APTX: variants seen among roughly 807,000 people sequenced by gnomAD.
APTX encodes the protein aprataxin.
Under a neutral mutation model 42.3 loss-of-function variants are expected in APTX, and 33 were observed. That is an observed-to-expected ratio of 0.78 (90% CI 0.59 to 1.04). The LOEUF (loss-of-function observed/expected upper bound fraction) is 1.04. Ranked by LOEUF, APTX falls within the 50% of genes least tolerant of loss-of-function variation. The pLI, the probability that APTX is intolerant of heterozygous loss-of-function variation, is 0.00. For missense variants in APTX, 421 were observed against 415.1 expected (o/e 1.01, Z -0.12); for synonymous variants, 130 against 146.7 (o/e 0.89, Z 0.82).
At chr9:33,020,342 T>A (rs1254725318) in intron 1 of APTX, among the ~76,000 whole-genome samples, 1 of 152,236 alleles carries the variant, frequency 6.6e-6, no homozygotes, top group Non-Finnish European at 1.5e-5. Flanking sequence ...TCCTCCTCCC[T>A]ACCTCTGCAT....
chr9:32,977,064 T>C (rs1829588266), intron 6 of APTX, among the ~76,000 whole-genome samples: 1 of 152,244 alleles, frequency 6.6e-6, no homozygotes, highest in African/African-American at 2.4e-5. Flanking sequence ...AATTTCCATT[T>C]ATGTATTAAC....
At chr9:33,000,236 C>T (rs1435466829) in intron 1 of APTX, among the ~76,000 whole-genome samples, 3 of 152,206 alleles carry the variant, frequency 2.0e-5, no homozygotes, top group African/African-American at 7.2e-5. Flanking sequence ...ATGTAAAGCT[C>T]AGTGTCTGAT....
At chr9:33,017,416 T>C (rs914602221) in intron 1 of APTX, among the ~76,000 whole-genome samples, 7 of 152,144 alleles carry the variant, frequency 4.6e-5, no homozygotes, top group African/African-American at 1.4e-4. Context: ...GAGGGCCTGT[T>C]TCCTGGTTTG....
chr9:33,000,444 T>C (rs1425295675), intron 1 of APTX, among the ~76,000 whole-genome samples: 1 of 151,804 alleles, frequency 6.6e-6, no homozygotes, highest in East Asian at 1.9e-4. Flanking sequence ...CTGGCCAACA[T>C]GGTGAAACCC....
At position 33,013,799 on chromosome 9, in the gene APTX, G is replaced by A. The variant is rs184574131; in HGVS notation, c.-5+11224C>T. Reference sequence around the variant, plus strand: ...AGCCTGGGCGACGGTGCAAGACTCCGTCTAAAAAACAAAACAAAAACAAGA... The same window carrying A: ...AGCCTGGGCGACGGTGCAAGACTCCATCTAAAAAACAAAACAAAAACAAGA... On this transcript the variant is annotated intron_variant, in intron 1 of 6. Coordinates refer to the APTX transcript ENST00000436040. Among the ~76,000 whole-genome samples the A allele has an allele frequency of 5.3e-5, 8 of 152,236 alleles. No individual in the cohort carries two copies. The East Asian group carries it at 1.2e-3, about 22-fold the overall frequency.
Position 33,001,571 on chromosome 9 carries a change from A to C in APTX, c.-9T>G, listed in dbSNP as rs376931950. 6.2e-7 allele frequency: 1 copy of C among 1,613,962 alleles called. No homozygotes were observed. Among genetic ancestry groups the C allele is most frequent in the South Asian group, 1.1e-5 (1 of 91,080 alleles). On this transcript the variant is annotated 5_prime_UTR_variant, in exon 1 of 8. Coordinates refer to ENST00000379817, the MANE Select transcript of APTX (RefSeq NM_001195248.2). ...ATAGGCTGACGACCGCCTTACCTCC[A>C]GAAGTCGGAGACGGACAAATTCACG...
At chr9:32,988,858 TAGA>T (rs1832855547) in intron 2 of APTX, among the ~76,000 whole-genome samples, 1 of 152,070 alleles carries the variant, frequency 6.6e-6, no homozygotes. Flanking sequence ...TGGCTTTGGG[TAGA>T]AGGAGTGGAA....
chr9:33,020,394 T>C (rs2119316036), intron 1 of APTX, among the ~76,000 whole-genome samples: 1 of 152,358 alleles, frequency 6.6e-6, no homozygotes, highest in Middle Eastern at 3.4e-3. Context: ...CATGTTTTTA[T>C]ATTTGTGTTT....
rs1204490534 is a variant in APTX, at chr9:33,020,010, G to A, written c.-5+5013C>T. On this transcript the variant is annotated intron_variant, in intron 1 of 6. Coordinates refer to the APTX transcript ENST00000436040. ...CTGCGTTTCTGCTAGGACCTGACACGTGCGGTGGGGGAGCTCCGCTGGCCG... is the reference window on the plus strand; with the variant it reads ...CTGCGTTTCTGCTAGGACCTGACACATGCGGTGGGGGAGCTCCGCTGGCCG... The A allele has an allele frequency of 9.9e-6, 4 of 405,874 alleles. No homozygotes were observed. The South Asian group carries it at 3.0e-4, about 31-fold the overall frequency. The allele number at this position is 405,874 out of a possible 1,614,324, so 25.1% of individuals were successfully genotyped here.
chr9:33,013,545 GC>G (rs1330209034), intron 1 of APTX, among the ~76,000 whole-genome samples: 11 of 152,226 alleles, frequency 7.2e-5, no homozygotes, highest in African/African-American at 2.4e-4. Context: ...GGTGGCTCAT[GC>G]CTGTAATCCC....
intron 1 of APTX, among the ~76,000 whole-genome samples, chr9:32,999,827 T>C (rs1008006139): frequency 6.6e-6 from 1 of 152,006 alleles, no homozygotes; most frequent in African/African-American, 2.4e-5. Flanking sequence ...ATACAAAAAA[T>C]TAGCCGGGCG....
intron 1 of APTX, among the ~76,000 whole-genome samples, chr9:33,007,510 G>A (rs1837244974): frequency 6.6e-6 from 1 of 152,214 alleles, no homozygotes; most frequent in African/African-American, 2.4e-5. Flanking sequence ...GAAGTTCACT[G>A]ACTCAAGGGA....
chr9:33,010,897 GT>G (rs1264140406), intron 1 of APTX, among the ~76,000 whole-genome samples: 2 of 151,572 alleles, frequency 1.3e-5, no homozygotes, highest in Non-Finnish European at 2.9e-5. Context: ...ATCCCAACAC[GT>G]TGGGAGGCCA....
intron 1 of APTX, chr9:33,015,874 G>A (rs911760295): frequency 6.6e-6 from 1 of 152,086 alleles, no homozygotes; most frequent in African/African-American, 2.4e-5. Flanking sequence ...CTGACAACAA[G>A]ATTATGGGGC....
Position 32,987,771 on chromosome 9 carries a change from C to A in APTX, c.256G>T (p.Val86Phe). 1 of 1,614,176 alleles carries A rather than the reference C, an allele frequency of 6.2e-7. No homozygotes were observed. The highest frequency in any genetic ancestry group is 8.5e-7 in the Non-Finnish European group (1 of 1,180,036). Residue 86 changes from valine (V) to phenylalanine (F), a missense_variant, in exon 4 of 8, where the codon GTT (valine) becomes TTT (phenylalanine). Val to Phe is a conservative substitution (Grantham distance 50, BLOSUM62 -1). Coordinates refer to ENST00000379817, the MANE Select transcript of APTX (RefSeq NM_001195248.2). ...DQEVKLQPGQ[V>F]LHMVNELYPY... The stretch of plus-strand genomic sequence containing the variant: ...TAAAGTTCATTCACCATGTGGAGAA[C>A]CTGGCCAGGCTGCAGCTTCACCTCT...
intron 1 of APTX, among the ~76,000 whole-genome samples, chr9:33,000,431 A>G (rs1275282818): frequency 6.6e-6 from 1 of 152,130 alleles, no homozygotes; most frequent in African/African-American, 2.4e-5. Flanking sequence ...GTTTGAGACC[A>G]GCCTGGCCAA....
At chr9:33,015,341 G>C (rs1837820703) in intron 1 of APTX, among the ~76,000 whole-genome samples, 1 of 152,100 alleles carries the variant, frequency 6.6e-6, no homozygotes, top group African/African-American at 2.4e-5. Context: ...TTGCATAAGG[G>C]TCATTGCCTG....
intron 6 of APTX, among the ~76,000 whole-genome samples, chr9:32,977,855 G>A (rs10971258): frequency 2.0e-5 from 3 of 151,644 alleles, no homozygotes; most frequent in Non-Finnish European, 4.4e-5. Flanking sequence ...AAAAAAAAAC[G>A]GAAACAGATA....
intron 1 of APTX, among the ~76,000 whole-genome samples, chr9:32,996,284 T>TC (rs1415641809): frequency 6.6e-6 from 1 of 150,992 alleles, no homozygotes; most frequent in Non-Finnish European, 1.5e-5. Context: ...CGCTCTTTTT[T>TC]TTTTTTTTCT....
Sources: gnomAD v4.1 joint callset for allele counts (sites outside exome capture counted in the v4.1 genomes callset) on GRCh38, gnomAD v4.1.1 for gene constraint, MANE v1.5 for transcripts, NCBI Gene and HGNC (gene_info 2026-07-23, HGNC 2026-07-21) for gene names.